Variants in PALLD observed in about 807,000 individuals in gnomAD.
PALLD encodes palladin.
Under a neutral mutation model 123.5 loss-of-function variants are expected in PALLD, and 61 were observed. The observed-to-expected ratio is 0.49, with a 90% CI of 0.40 to 0.61. The LOEUF is 0.61. PALLD is among the 20% of genes least tolerant of loss of function. The probability of loss-of-function intolerance (pLI) is 0.00; values close to 1 mark genes in which losing one functional copy is unlikely to be tolerated. For synonymous variants in PALLD, 465 were observed against 496.4 expected, an observed-to-expected ratio of 0.94 and a Z score of 0.84; for missense variants, 1,273 against 1,377.0, an observed-to-expected ratio of 0.92 and a Z score of 1.20.
intron 2 of PALLD, among the ~76,000 whole-genome samples, chr4:168,572,002 G>T (rs1398798283): frequency 6.6e-6 from 1 of 152,116 alleles, no homozygotes; most frequent in African/African-American, 2.4e-5. Context: ...CGAGGCGGAT[G>T]AATCTATTGT....
chr4:168,651,344 T>G (rs935310383), intron 2 of PALLD, among the ~76,000 whole-genome samples: 2 of 152,178 alleles, frequency 1.3e-5, no homozygotes, highest in African/African-American at 4.8e-5. Context: ...ACATCCAAGG[T>G]TAGCTCTTTT....
Position 168,742,474 on chromosome 4 carries a change from G to A in PALLD, c.1964+30551G>A, listed in dbSNP as rs535583485. On this transcript the variant is annotated intron_variant, in intron 10 of 21. Coordinates refer to ENST00000505667, the MANE Select transcript of PALLD (RefSeq NM_001166108.2). ...CAGGTTTGTTTAAAGTGTTATGATA[G>A]TATTAAGATGTTCTTTCATTTTCAT... 3.9e-5 allele frequency among the ~76,000 whole-genome samples: 6 copies of A among 152,312 alleles called. No individual in the cohort carries two copies. In the East Asian group the frequency reaches 7.7e-4, roughly 20 times the overall value.
intron 2 of PALLD, among the ~76,000 whole-genome samples, chr4:168,612,455 G>A (rs955100671): frequency 6.6e-6 from 1 of 152,114 alleles, no homozygotes; most frequent in Non-Finnish European, 1.5e-5. Flanking sequence ...ATGAATGCTT[G>A]TGTCAAGTTG....
chr4:168,832,170 A>T, intron 10 of PALLD: 1 of 985,390 alleles, frequency 1.0e-6, no homozygotes, highest in South Asian at 4.7e-5. Context: ...CGGAGAGCCG[A>T]GGTAGGCGCG....
intron 10 of PALLD, among the ~76,000 whole-genome samples, chr4:168,833,777 C>T (rs1009020946): frequency 2.0e-5 from 3 of 150,148 alleles, no homozygotes; most frequent in African/African-American, 7.4e-5. Context: ...TTTCCCCCTT[C>T]AGACTTGGCA....
intron 2 of PALLD, among the ~76,000 whole-genome samples, chr4:168,605,262 A>T (rs1309736046): frequency 6.6e-6 from 1 of 152,080 alleles, no homozygotes; most frequent in East Asian, 1.9e-4. Context: ...TTAAAAAAAA[A>T]AATACCGATG....
chr4:168,602,387 T>C (rs1772756269), intron 2 of PALLD, among the ~76,000 whole-genome samples: 2 of 152,306 alleles, frequency 1.3e-5, no homozygotes, highest in South Asian at 2.1e-4. Flanking sequence ...TCAACAAATA[T>C]CACCCAGTGT....
rs1220928329 is a variant in PALLD at position 168,878,349 on chromosome 4, C to T, written c.1965-12573C>T. The stretch of plus-strand genomic sequence containing the variant: ...GCTCTGCTGCCCTCGCAGCCGCCGC[C>T]GGCGGCCGTCAACGCCCTGGGGCTG... On this transcript the variant is annotated intron_variant, in intron 10 of 21. Transcript: ENST00000505667. The T allele has an allele frequency of 8.6e-6, 13 of 1,519,562 alleles. No individual in the cohort carries two copies. The highest frequency in any genetic ancestry group is 7.6e-5 in the East Asian group (3 of 39,460). 94.1% of individuals were successfully genotyped at this position (1,519,562 alleles called of 1,614,324 possible). A position where few individuals can be genotyped will look rare whatever the true frequency, so the allele number is the denominator to read the frequency against.
chr4:168,829,402 C>T (rs1433660896), intron 10 of PALLD: 1 of 152,226 alleles, frequency 6.6e-6, no homozygotes, highest in African/African-American at 2.4e-5. Context: ...TATTCTACCC[C>T]ACAGTCCCTT....
chr4:168,810,923 C>T (rs1233768447), intron 10 of PALLD, among the ~76,000 whole-genome samples: 1 of 151,986 alleles, frequency 6.6e-6, no homozygotes, highest in African/African-American at 2.4e-5. Context: ...GGACCATGAC[C>T]ACAAGTTGGG....
intron 3 of PALLD, among the ~76,000 whole-genome samples, chr4:168,675,074 A>T (rs904147962): frequency 2.0e-5 from 3 of 152,214 alleles, no homozygotes; most frequent in Non-Finnish European, 4.4e-5. Flanking sequence ...TGTAAAATAA[A>T]TACAGACATC....
intron 10 of PALLD, among the ~76,000 whole-genome samples, chr4:168,777,515 CCAG>C (rs77308434): frequency 0.16 from 23,821 of 151,938 alleles, 2,197 homozygotes; most frequent in Middle Eastern, 0.22. Flanking sequence ...GGAAACAAGC[CCAG>C]CATGTTCCCA....
intron 2 of PALLD, among the ~76,000 whole-genome samples, chr4:168,588,094 G>A (rs74760100): frequency 0.026 from 4,017 of 152,198 alleles, 87 homozygotes; most frequent in South Asian, 0.11. Context: ...GCCTGGGAAT[G>A]TCTGCGGAGT....
intron 10 of PALLD, among the ~76,000 whole-genome samples, chr4:168,884,970 G>A (rs1753134733): frequency 6.6e-6 from 1 of 152,182 alleles, no homozygotes; most frequent in African/African-American, 2.4e-5. Context: ...TTACAAAGGA[G>A]GAAACTGAGA....
At chr4:168,888,646 C>A (rs1357906302) in intron 10 of PALLD, among the ~76,000 whole-genome samples, 1 of 152,152 alleles carries the variant, frequency 6.6e-6, no homozygotes, top group Non-Finnish European at 1.5e-5. Flanking sequence ...CCTCTGACTA[C>A]CCCCCACTCC....
chr4:168,681,608 C>T (rs944864626), intron 4 of PALLD, among the ~76,000 whole-genome samples: 6 of 138,328 alleles, frequency 4.3e-5, no homozygotes, highest in East Asian at 2.1e-4. Context: ...TACGGTGGTG[C>T]GACATGGCTC....
intron 10 of PALLD, chr4:168,832,198 C>T (rs896723009): frequency 1.0e-6 from 1 of 985,392 alleles, no homozygotes; most frequent in Non-Finnish European, 1.2e-6. Flanking sequence ...GGCCCTGAGG[C>T]TGGTGGAAGA....
At chr4:168,519,791 T>C (rs1403700576) in intron 2 of PALLD, among the ~76,000 whole-genome samples, 2 of 152,222 alleles carry the variant, frequency 1.3e-5, no homozygotes, top group African/African-American at 4.8e-5. Flanking sequence ...TCCTCCCATC[T>C]ACATACCTAG....
intron 2 of PALLD, among the ~76,000 whole-genome samples, chr4:168,565,932 T>A (rs1169328849): frequency 1.3e-5 from 2 of 152,142 alleles, no homozygotes; most frequent in African/African-American, 4.8e-5. Flanking sequence ...TGTTGCAGAA[T>A]TAGTGTGTTT....
Sources: gnomAD v4.1 joint callset for allele counts (sites outside exome capture counted in the v4.1 genomes callset) on GRCh38, gnomAD v4.1.1 for gene constraint, MANE v1.5 for transcripts, NCBI Gene and HGNC (gene_info 2026-07-23, HGNC 2026-07-21) for gene names.